Variants in ZFP82 observed in about 807,000 individuals in gnomAD.
The protein encoded by ZFP82 is ZFP82 zinc finger protein.
Under a neutral mutation model 54.0 loss-of-function variants are expected in ZFP82, and 30 were observed. The ratio of observed to expected loss-of-function variants is 0.56; its 90% confidence interval spans 0.42 to 0.75. ZFP82 has a LOEUF of 0.75. Among genes scored for constraint, ZFP82 ranks in the 30% least tolerant of loss-of-function variants. The pLI is 0.00. For missense variants in ZFP82, 500 were observed against 636.8 expected, an observed-to-expected ratio of 0.79 and a Z score of 2.31; for synonymous variants, 194 against 209.5, an observed-to-expected ratio of 0.93 and a Z score of 0.64.
intron 4 of ZFP82, among the ~76,000 whole-genome samples, chr19:36,399,395 T>C (rs1475196596): frequency 1.3e-5 from 2 of 152,110 alleles, no homozygotes; most frequent in Non-Finnish European, 2.9e-5. Context: ...ACTGCTGTGT[T>C]CAAAGTGGTC....
Position 36,393,594 on chromosome 19 carries a change from A to G in ZFP82, c.746T>C (p.Ile249Thr), listed in dbSNP as rs755924496. 7 of 1,614,066 alleles carry G rather than the reference A, an allele frequency of 4.3e-6. No homozygotes were observed. The highest frequency in any genetic ancestry group is 3.3e-5 in the Admixed American group (2 of 60,006). ...ADLRVHQKMH[I>T]GEKPYECKEC... is the part of the protein sequence containing the mutation. ...TTTACATTCATAGGGCTTCTCACCA[A>G]TATGCATTTTCTGATGTACTCTAAG... The change falls in exon 5 of 5, where the codon ATT becomes ACT. Residue 249 changes from isoleucine to threonine, a missense_variant. By Grantham distance (89) the Ile-to-Thr change is moderately conservative (BLOSUM62 -1). Transcript: ENST00000392161.
intron 1 of ZFP82, 134 bp downstream of exon 1, chr19:36,418,358 T>C (rs559196879): frequency 7.2e-5 from 11 of 152,396 alleles, no homozygotes; most frequent in African/African-American, 2.2e-4. Context: ...GCTCATACAA[T>C]AGTCTCTGCA....
At chr19:36,414,136 G>C (rs575736508) in intron 1 of ZFP82, among the ~76,000 whole-genome samples, 3 of 151,908 alleles carry the variant, frequency 2.0e-5, no homozygotes, top group Non-Finnish European at 4.4e-5. Flanking sequence ...TCCTGACCTC[G>C]TGATCCGCCC....
At chr19:36,405,739 G>T in intron 3 of ZFP82, 67 bp from the exon 4 acceptor site, 2 of 1,206,924 alleles carry the variant, frequency 1.7e-6, no homozygotes, top group Non-Finnish European at 2.3e-6. Context: ...CTTTGATTCA[G>T]TCTTGGTTAA....
At chr19:36,397,467 T>C (rs1210483371) in intron 4 of ZFP82, among the ~76,000 whole-genome samples, 4 of 151,826 alleles carry the variant, frequency 2.6e-5, no homozygotes, top group South Asian at 2.1e-4. Context: ...AGCACAGACA[T>C]AGAAATAAGA....
chr19:36,393,564 C>T lies in ZFP82; in HGVS notation c.776G>A (p.Cys259Tyr). 1 of 1,614,186 alleles carries T rather than the reference C, an allele frequency of 6.2e-7. No homozygotes were observed. The highest frequency in any genetic ancestry group is 8.5e-7 in the Non-Finnish European group (1 of 1,180,032). ...TCCTCGTACCCTAAAAGCCTTCCCA[C>T]ATTCTTTACATTCATAGGGCTTCTC... is the stretch of plus-strand genomic sequence containing the variant. ...IGEKPYECKE[C>Y]GKAFRVRGQL... The change falls in exon 5 of 5, where the codon TGT (cysteine) becomes TAT (tyrosine). Residue 259 changes from cysteine (C) to tyrosine (Y), a missense_variant. Cys to Tyr is a radical substitution (Grantham distance 194). Transcript: ENST00000392161.
At chr19:36,400,539 T>C (rs1387832131) in intron 4 of ZFP82, among the ~76,000 whole-genome samples, 1 of 152,200 alleles carries the variant, frequency 6.6e-6, no homozygotes, top group African/African-American at 2.4e-5. Context: ...TCTTTTTCAC[T>C]GAGAAAACAG....
intron 4 of ZFP82, among the ~76,000 whole-genome samples, chr19:36,403,269 G>A (rs2032420673): frequency 6.7e-6 from 1 of 148,524 alleles, no homozygotes; most frequent in South Asian, 2.2e-4. Context: ...GTTGCAGTGA[G>A]CTGAAATCAC....
chr19:36,396,448 C>T (rs567344414), intron 4 of ZFP82, among the ~76,000 whole-genome samples: 1 of 152,094 alleles, frequency 6.6e-6, no homozygotes, highest in South Asian at 2.1e-4. Flanking sequence ...GAGATCGAGA[C>T]CATCCTGACT....
At chr19:36,387,453 T>C (rs186062688), downstream of ZFP82, among the ~76,000 whole-genome samples, 2 of 152,262 alleles carry the variant, frequency 1.3e-5, no homozygotes, top group Non-Finnish European at 2.9e-5. Context: ...AAAAGATGAG[T>C]TGGGCTCCCT....
At chr19:36,403,099 G>A (rs930560082) in intron 4 of ZFP82, among the ~76,000 whole-genome samples, 2 of 151,738 alleles carry the variant, frequency 1.3e-5, no homozygotes, top group African/African-American at 2.4e-5. Context: ...GCAAGATCAC[G>A]CCACTGCACT....
chr19:36,408,048 G>A, intron 2 of ZFP82, 35 bp from the exon 3 acceptor site: 1 of 1,603,360 alleles, frequency 6.2e-7, no homozygotes, highest in East Asian at 2.2e-5. Context: ...AAATGAAATG[G>A]AAGAAAATGT....
In ZFP82 at chr19:36,392,493, G is replaced by A. The variant is rs2032216306; in HGVS notation, c.*248C>T. 4.8e-6 allele frequency: 2 copies of A among 418,818 alleles called. No individual in the cohort carries two copies. The highest frequency in any genetic ancestry group is 4.1e-5 in the African/African-American group (2 of 49,284). The allele number at this position is 418,818 out of a possible 1,614,324, so 25.9% of individuals were successfully genotyped here. On this transcript the variant is annotated 3_prime_UTR_variant, in exon 5 of 5. Coordinates refer to ENST00000392161, the MANE Select transcript of ZFP82 (RefSeq NM_133466.4). ...ATAGCACAGAGCAGTTAAGCGTCTT[G>A]TCCAGTATGACACAAAGTGATGGGA...
intron 1 of ZFP82, among the ~76,000 whole-genome samples, chr19:36,417,644 C>T (rs2032695578): frequency 6.6e-6 from 1 of 152,110 alleles, no homozygotes; most frequent in Non-Finnish European, 1.5e-5. Flanking sequence ...GCCCCCACCG[C>T]CCACCCACAC....
At position 36,397,808 on chromosome 19, in the gene ZFP82, G is replaced by C. The variant is rs548141634; in HGVS notation, c.230-3698C>G. On this transcript the variant is annotated intron_variant, in intron 4 of 4. Coordinates refer to ENST00000392161, the MANE Select transcript of ZFP82 (RefSeq NM_133466.4). Reference sequence around the variant, plus strand: ...TCACCATCTTGGCCAGGCTGGTCTTGAACTCCTGACCTTGTGATCCACCCG... The same window carrying C: ...TCACCATCTTGGCCAGGCTGGTCTTCAACTCCTGACCTTGTGATCCACCCG... 9.2e-5 allele frequency among the ~76,000 whole-genome samples: 14 copies of C among 151,490 alleles called. No homozygotes were observed. In the South Asian group the frequency reaches 2.9e-3, roughly 32 times the overall value.
At position 36,394,097 on chromosome 19, in the gene ZFP82, C is replaced by T. The variant is rs759830950; in HGVS notation, c.243G>A (p.Lys81=). The change falls in exon 5 of 5, where the codon AAG becomes AAA. Residue 81 remains lysine, a synonymous_variant. Transcript: ENST00000392161. Reference sequence around the variant, plus strand: ...CTAAAGATAACTTCTTGGTCTCATACTTGGTCTCCAAATCTAAAATAAAAC... The same window carrying T: ...CTAAAGATAACTTCTTGGTCTCATATTTGGTCTCCAAATCTAAAATAAAAC... ...GRRQYPDLET[K]YETKKLSLEN... is the part of the protein sequence containing the mutation. 101 of 1,605,252 alleles carry T rather than the reference C, an allele frequency of 6.3e-5. No homozygotes were observed. The Middle Eastern group carries it at 1.2e-3, about 18-fold the overall frequency.
chr19:36,393,655 T>C lies in ZFP82; in HGVS notation c.685A>G (p.Lys229Glu). The C allele has an allele frequency of 1.2e-6, 2 of 1,614,158 alleles. No individual in the cohort carries two copies. The highest frequency in any genetic ancestry group is 1.7e-6 in the Non-Finnish European group (2 of 1,180,024). Residue 229 changes from lysine to glutamate, a missense_variant, in exon 5 of 5, where the codon AAG becomes GAG. Physicochemically the swap from Lys to Glu is moderately conservative, Grantham distance 56. Coordinates refer to ENST00000392161, the MANE Select transcript of ZFP82 (RefSeq NM_133466.4). ...LHSGEKLYEC[K>E]ECGEAFICGA... Reference sequence around the variant, plus strand: ...CATATGAAAGCTTCCCCACATTCCTTACATTCATAGAGTTTTTCACCAGAA... The same window carrying C: ...CATATGAAAGCTTCCCCACATTCCTCACATTCATAGAGTTTTTCACCAGAA...
At chr19:36,414,472 C>T (rs1457397995) in intron 1 of ZFP82, among the ~76,000 whole-genome samples, 2 of 150,214 alleles carry the variant, frequency 1.3e-5, no homozygotes, top group South Asian at 2.1e-4. Context: ...CAAGTGATTC[C>T]CCTGCCTCAG....
rs980830414 is a variant in ZFP82 at position 36,391,785 on chromosome 19, A to C, written c.*956T>G. Reference sequence around the variant, plus strand: ...CCTGGTCTAGGGTATCTGTTTTTTAATGAACAAACTGGAAAGGAATTCCTT... The same window carrying C: ...CCTGGTCTAGGGTATCTGTTTTTTACTGAACAAACTGGAAAGGAATTCCTT... On this transcript the variant is annotated 3_prime_UTR_variant, in exon 5 of 5. Transcript: ENST00000392161. The C allele has an allele frequency of 2.6e-5, 4 of 152,146 alleles. No homozygotes were observed. The highest frequency in any genetic ancestry group is 5.9e-5 in the Non-Finnish European group (4 of 68,018). 9.4% of individuals were successfully genotyped at this position (152,146 alleles called of 1,614,324 possible).
Sources: allele counts gnomAD v4.1 joint callset (sites outside exome capture counted in the v4.1 genomes callset), GRCh38; gene constraint gnomAD v4.1.1; transcripts MANE v1.5; gene names NCBI Gene and HGNC (gene_info 2026-07-23, HGNC 2026-07-21).